Variants in KIF16B observed in about 807,000 individuals in gnomAD.
The protein encoded by KIF16B is kinesin family member 16B.
Under a neutral mutation model 156.3 loss-of-function variants are expected in KIF16B, and 98 were observed. The observed-to-expected ratio is 0.63, with a 90% CI of 0.53 to 0.74. KIF16B has a LOEUF of 0.74. Ranked by LOEUF, KIF16B falls within the 30% of genes least tolerant of loss-of-function variation. The pLI, the probability that KIF16B is intolerant of heterozygous loss-of-function variation, is 0.00. For synonymous variants in KIF16B, 564 were observed against 583.7 expected (o/e 0.97, Z 0.49); for missense variants, 1,421 against 1,606.5 (o/e 0.88, Z 1.97).
chr20:16,374,450 T>C (rs750365216), intron 19 of KIF16B, 41 bp from the exon 20 acceptor site: 2 of 1,460,534 alleles, frequency 1.4e-6, no homozygotes, highest in South Asian at 3.2e-5. Context: ...ATTAATAGTA[T>C]TTCCCGAGCA....
chr20:16,527,864 CTT>C (rs1238567852), intron 2 of KIF16B, among the ~76,000 whole-genome samples: 1 of 152,166 alleles, frequency 6.6e-6, no homozygotes, highest in Non-Finnish European at 1.5e-5. Context: ...AAAGGAGAAA[CTT>C]GCCATCTTGA....
At chr20:16,534,457 C>T (rs1338466733) in intron 1 of KIF16B, among the ~76,000 whole-genome samples, 2 of 152,138 alleles carry the variant, frequency 1.3e-5, no homozygotes, top group African/African-American at 2.4e-5. Flanking sequence ...AAATGTTCTC[C>T]TATTCAACAG....
intron 21 of KIF16B, among the ~76,000 whole-genome samples, chr20:16,371,198 A>G (rs1007922369): frequency 2.6e-5 from 4 of 152,204 alleles, no homozygotes; most frequent in African/African-American, 9.6e-5. Flanking sequence ...GCAATATTTA[A>G]TATTTTTTTC....
chr20:16,449,512 A>C (rs553152929), intron 12 of KIF16B, among the ~76,000 whole-genome samples: 3 of 152,336 alleles, frequency 2.0e-5, no homozygotes, highest in East Asian at 3.9e-4. Flanking sequence ...GAAGGTCCAC[A>C]AACTTGCTCT....
intron 22 of KIF16B, among the ~76,000 whole-genome samples, chr20:16,364,886 G>T (rs939249776): frequency 4.6e-5 from 7 of 152,214 alleles, no homozygotes; most frequent in African/African-American, 1.7e-4. Flanking sequence ...CGTATCTGCT[G>T]CATGTTCCAT....
intron 12 of KIF16B, among the ~76,000 whole-genome samples, chr20:16,479,148 A>G (rs1263336322): frequency 2.0e-5 from 3 of 152,240 alleles, no homozygotes; most frequent in African/African-American, 7.2e-5. Context: ...AATATGGTAC[A>G]CATACACCAT....
intron 25 of KIF16B, among the ~76,000 whole-genome samples, chr20:16,296,295 A>G (rs1047364773): frequency 2.0e-5 from 3 of 152,208 alleles, no homozygotes; most frequent in Non-Finnish European, 4.4e-5. Flanking sequence ...CTTCTGCTTC[A>G]GAGGCGATGA....
chr20:16,387,507 C>T (rs921743504), intron 17 of KIF16B, among the ~76,000 whole-genome samples: 8 of 152,086 alleles, frequency 5.3e-5, no homozygotes, highest in African/African-American at 1.2e-4. Context: ...GGCGACAAGA[C>T]AAGGCTTACA....
At chr20:16,472,553 T>TAA (rs11318601) in intron 12 of KIF16B, among the ~76,000 whole-genome samples, 13 of 113,554 alleles carry the variant, frequency 1.1e-4, no homozygotes, top group African/African-American at 2.4e-4. Flanking sequence ...CATCTGAAAT[T>TAA]AAAAAAAAAA....
intron 23 of KIF16B, among the ~76,000 whole-genome samples, chr20:16,355,193 CA>C (rs769664888): frequency 2.6e-5 from 4 of 152,134 alleles, no homozygotes; most frequent in Non-Finnish European, 5.9e-5. Context: ...TGAGATGCAT[CA>C]GGGGTGGGGA....
At chr20:16,363,702 G>A (rs2144888) in intron 22 of KIF16B, among the ~76,000 whole-genome samples, 102,850 of 151,684 alleles carry the variant, frequency 0.68, 36,060 homozygotes, top group East Asian at 0.97. Flanking sequence ...TTCTGAATAG[G>A]TCCCAAAATG....
At chr20:16,371,627 A>C (rs752995707) in intron 21 of KIF16B, 38 bp downstream of exon 21, 1 of 1,270,958 alleles carries the variant, frequency 7.9e-7, no homozygotes, top group East Asian at 2.3e-5. Flanking sequence ...AAGATGAACG[A>C]ACTTGTTACT....
At position 16,468,540 on chromosome 20, in the gene KIF16B, C is replaced by A. The variant is rs148205348; in HGVS notation, c.1302+25751G>T. ...GCAGTGAGCTGAGATCAAGCCACTGCACTCCAGCTTGGGTGACAGAGCAAG... is the reference window on the plus strand; with the variant it reads ...GCAGTGAGCTGAGATCAAGCCACTGAACTCCAGCTTGGGTGACAGAGCAAG... On this transcript the variant is annotated intron_variant, in intron 12 of 25. Coordinates refer to ENST00000354981, the MANE Select transcript of KIF16B (RefSeq NM_024704.5). Among the ~76,000 whole-genome samples the A allele has an allele frequency of 4.7e-3, 609 of 129,372 alleles. 2 individuals carry two copies. Among genetic ancestry groups the A allele is most frequent in the African/African-American group, 0.018 (568 of 32,420 alleles). The allele number at this position is 129,372 out of a possible 152,430, so 84.9% of individuals were successfully genotyped here.
At chr20:16,391,560 A>G (rs2065366068) in intron 17 of KIF16B, among the ~76,000 whole-genome samples, 1 of 152,240 alleles carries the variant, frequency 6.6e-6, no homozygotes, top group Non-Finnish European at 1.5e-5. Context: ...TGAGAAGAGG[A>G]CATTCAGGAC....
chr20:16,442,194 C>T lies in KIF16B; in HGVS notation c.1303-12212G>A, dbSNP rs2066818302. ...GAACAAGTTCAAGGGATCTACTGTA[C>T]AGCATGGTGACTATACTTAATGATG... On this transcript the variant is annotated intron_variant, in intron 12 of 25. Transcript: ENST00000354981. Among the ~76,000 whole-genome samples the T allele has an allele frequency of 2.0e-5, 3 of 152,148 alleles. 1 individual carries two copies. The South Asian group carries it at 6.2e-4, about 32-fold the overall frequency.
intron 24 of KIF16B, among the ~76,000 whole-genome samples, chr20:16,328,195 G>T (rs1054514546): frequency 1.3e-5 from 2 of 152,146 alleles, no homozygotes; most frequent in African/African-American, 4.8e-5. Flanking sequence ...CCCAGAGAAT[G>T]CCAGATGTGA....
At chr20:16,522,579 T>C (rs2069391763) in intron 3 of KIF16B, among the ~76,000 whole-genome samples, 1 of 152,188 alleles carries the variant, frequency 6.6e-6, no homozygotes, top group Non-Finnish European at 1.5e-5. Context: ...TGGGAGACTT[T>C]AACACCCCAC....
chr20:16,343,843 A>T, intron 23 of KIF16B, among the ~76,000 whole-genome samples: 1 of 150,118 alleles, frequency 6.7e-6, no homozygotes, highest in East Asian at 2.0e-4. Flanking sequence ...TGGTACTTCT[A>T]TTTTTTTTTT....
intron 4 of KIF16B, among the ~76,000 whole-genome samples, chr20:16,514,964 T>A (rs2069097796): frequency 6.6e-6 from 1 of 151,144 alleles, no homozygotes; most frequent in African/African-American, 2.4e-5. Context: ...ACAAGAAAGT[T>A]CTTGCAATAA....
Sources: allele counts gnomAD v4.1 joint callset (sites outside exome capture counted in the v4.1 genomes callset), GRCh38; gene constraint gnomAD v4.1.1; transcripts MANE v1.5; gene names NCBI Gene and HGNC (gene_info 2026-07-23, HGNC 2026-07-21).